The following GATAD2A variants were observed in gnomAD, a reference collection of about 807,000 sequenced individuals.
GATAD2A encodes GATA zinc finger domain containing 2A, also known as transcriptional repressor p66-alpha.
GATAD2A carries 12 observed loss-of-function variants against 68.5 expected under a neutral mutation model. That is an observed-to-expected ratio of 0.18 (90% CI 0.11 to 0.28). GATAD2A has a LOEUF of 0.28. Among genes scored for constraint, GATAD2A ranks in the 10% least tolerant of loss-of-function variants. GATAD2A has a pLI of 1.00. For missense variants in GATAD2A, 755 were observed against 868.5 expected, an observed-to-expected ratio of 0.87 and a Z score of 1.64; for synonymous variants, 410 against 375.3, an observed-to-expected ratio of 1.09 and a Z score of -1.07.
Position 19,492,300 on chromosome 19 carries a change from C to A in GATAD2A, c.270-6C>A. The A allele has an allele frequency of 6.3e-7, 1 of 1,598,896 alleles. No homozygotes were observed. Among genetic ancestry groups the A allele is most frequent in the East Asian group, 2.3e-5 (1 of 43,898 alleles). On this transcript the variant is annotated splice_region_variant and splice_polypyrimidine_tract_variant and intron_variant, in intron 2 of 11. Coordinates refer to ENST00000683918, the MANE Select transcript of GATAD2A (RefSeq NM_001384528.1). Reference sequence around the variant, plus strand: ...CGCTCTGGTCACTACTGTCTCCACCCCACAGTGACATGAAGTCCGAGAGGA... The same window carrying A: ...CGCTCTGGTCACTACTGTCTCCACCACACAGTGACATGAAGTCCGAGAGGA...
chr19:19,450,963 G>C (rs988652296), intron 1 of GATAD2A, among the ~76,000 whole-genome samples: 4 of 151,518 alleles, frequency 2.6e-5, no homozygotes, highest in Non-Finnish European at 5.9e-5. Flanking sequence ...GTAGAGACGG[G>C]GTTTCACCAT....
rs1302186742 is a variant in GATAD2A at position 19,498,653 on chromosome 19, G to A, written c.1135G>A (p.Ala379Thr). ...CCCAGAGATGAACTTCCTGCCCAGC[G>A]CCGCCAACAACGAGTTCATCTACCT... ...PAPEMNFLPS[A>T]ANNEFIYLVG... is the part of the protein sequence containing the mutation. Residue 379 changes from alanine (A) to threonine (T), a missense_variant, in exon 8 of 12, where the codon GCC (alanine) becomes ACC (threonine). Transcript: ENST00000683918. 5 of 1,613,712 alleles carry A rather than the reference G, an allele frequency of 3.1e-6. No individual in the cohort carries two copies. The highest frequency in any genetic ancestry group is 3.4e-6 in the Non-Finnish European group (4 of 1,179,944).
intron 1 of GATAD2A, among the ~76,000 whole-genome samples, chr19:19,437,474 T>C (rs1458790599): frequency 6.6e-6 from 1 of 152,232 alleles, no homozygotes; most frequent in Non-Finnish European, 1.5e-5. Context: ...CCATTTGAAG[T>C]GTGCAATTCA....
chr19:19,451,570 G>A (rs564588458), intron 1 of GATAD2A, among the ~76,000 whole-genome samples: 3 of 152,332 alleles, frequency 2.0e-5, no homozygotes, highest in Admixed American at 6.5e-5. Flanking sequence ...AGTTGAGGAC[G>A]TTCTGTGGCT....
intron 2 of GATAD2A, among the ~76,000 whole-genome samples, chr19:19,489,563 G>A (rs1425138480): frequency 2.6e-5 from 4 of 152,338 alleles, no homozygotes; most frequent in Non-Finnish European, 4.4e-5. Context: ...TTGATTAGTC[G>A]CAGGCCAAGA....
upstream of GATAD2A, among the ~76,000 whole-genome samples, chr19:19,401,594 G>A (rs527494488): frequency 2.0e-5 from 3 of 152,018 alleles, no homozygotes; most frequent in Admixed American, 6.6e-5. Flanking sequence ...TGTCAGCTTC[G>A]GGAGTATGTG....
chr19:19,431,091 G>A (rs1485654260), intron 1 of GATAD2A, among the ~76,000 whole-genome samples: 1 of 151,398 alleles, frequency 6.6e-6, no homozygotes, highest in African/African-American at 2.4e-5. Context: ...TTATGAGCTG[G>A]TAATTGTGCA....
In GATAD2A at chr19:19,505,782, G is replaced by A. The variant is rs2060841588; in HGVS notation, c.*308G>A. 2.2e-6 allele frequency: 1 copy of A among 460,850 alleles called. No homozygotes were observed. The highest frequency in any genetic ancestry group is 2.0e-5 in the African/African-American group (1 of 48,910). The allele number at this position is 460,850 out of a possible 1,614,324, so 28.5% of individuals were successfully genotyped here. On this transcript the variant is annotated 3_prime_UTR_variant, in exon 12 of 12. Transcript: ENST00000683918. ...AGCAGAAAAGTGGACCTTGGGGGCT[G>A]GTTCTGCTCCTGGCCCCCTTGTTCA...
rs1179807705 is a variant in GATAD2A at position 19,508,517 on chromosome 19, A to G, written c.*3043A>G. ...TGGGCCCCGTGGCTCCTGCTCTCCT[A>G]TTGGACGTAGAGGCAGGGGAGAGAC... is the stretch of plus-strand genomic sequence containing the variant. On this transcript the variant is annotated 3_prime_UTR_variant, in exon 12 of 12. Transcript: ENST00000683918. 1.3e-5 allele frequency: 2 copies of G among 152,190 alleles called. No individual in the cohort carries two copies. Among genetic ancestry groups the G allele is most frequent in the Non-Finnish European group, 2.9e-5 (2 of 68,056 alleles). 9.4% of individuals were successfully genotyped at this position (152,190 alleles called of 1,614,324 possible).
intron 1 of GATAD2A, among the ~76,000 whole-genome samples, chr19:19,462,357 G>A (rs1190421115): frequency 6.6e-6 from 1 of 152,224 alleles, no homozygotes; most frequent in Non-Finnish European, 1.5e-5. Flanking sequence ...GGCAGTGGAG[G>A]AGGCTCCTGC....
chr19:19,397,477 A>T (rs1276621801), intron 1 of GATAD2A, among the ~76,000 whole-genome samples: 1 of 152,094 alleles, frequency 6.6e-6, no homozygotes, highest in Non-Finnish European at 1.5e-5. Context: ...TGCCTGCCTT[A>T]GCCTACCAAA....
At chr19:19,505,247 C>T in intron 11 of GATAD2A, 97 bp from the exon 12 acceptor site, 1 of 1,171,100 alleles carries the variant, frequency 8.5e-7, no homozygotes. Context: ...GGTCCTTAGT[C>T]TGTATTGGGG....
intron 1 of GATAD2A, among the ~76,000 whole-genome samples, chr19:19,425,374 C>G (rs1336531872): frequency 6.6e-6 from 1 of 152,154 alleles, no homozygotes; most frequent in Non-Finnish European, 1.5e-5. Flanking sequence ...GTTCCCTCCC[C>G]TCCCCTTTAT....
At chr19:19,466,870 G>A (rs1043855832) in intron 2 of GATAD2A, among the ~76,000 whole-genome samples, 11 of 152,194 alleles carry the variant, frequency 7.2e-5, no homozygotes, top group Non-Finnish European at 1.3e-4. Context: ...CCAGAGACCA[G>A]TCCATGACAG....
chr19:19,392,483 C>A (rs2048919196), intron 1 of GATAD2A, among the ~76,000 whole-genome samples: 1 of 151,476 alleles, frequency 6.6e-6, no homozygotes, highest in African/African-American at 2.4e-5. Context: ...ACCTCCACCT[C>A]CTGGGTTCAA....
intron 1 of GATAD2A, among the ~76,000 whole-genome samples, chr19:19,457,867 T>G (rs921962744): frequency 1.3e-5 from 2 of 152,044 alleles, no homozygotes. Context: ...CAGCCAGACT[T>G]CAGTTGTGCC....
chr19:19,448,308 C>T (rs2055974011), intron 1 of GATAD2A, among the ~76,000 whole-genome samples: 2 of 152,272 alleles, frequency 1.3e-5, no homozygotes, highest in Admixed American at 1.3e-4. Context: ...GTTTCTCTCT[C>T]TGGGGCCGCA....
intron 1 of GATAD2A, chr19:19,464,995 C>T: frequency 2.7e-6 from 1 of 364,882 alleles, no homozygotes; most frequent in South Asian, 3.0e-5. Flanking sequence ...AACAACTTTT[C>T]CTCTGTTTGC....
At chr19:19,473,826 G>A (rs1173007258) in intron 2 of GATAD2A, among the ~76,000 whole-genome samples, 2 of 151,300 alleles carry the variant, frequency 1.3e-5, no homozygotes, top group Non-Finnish European at 2.9e-5. Context: ...GGCACCTGTA[G>A]TCCCAGCAAC....
Sources: allele counts gnomAD v4.1 joint callset (sites outside exome capture counted in the v4.1 genomes callset), GRCh38; gene constraint gnomAD v4.1.1; transcripts MANE v1.5; gene names NCBI Gene and HGNC (gene_info 2026-07-23, HGNC 2026-07-21).